Variants in TENM2 observed in about 807,000 individuals in gnomAD.
TENM2 encodes the protein teneurin transmembrane protein 2.
Under a neutral mutation model 245.2 loss-of-function variants are expected in TENM2, and 52 were observed. The ratio of observed to expected loss-of-function variants is 0.21; its 90% CI spans 0.17 to 0.27. TENM2 has a LOEUF of 0.27. TENM2 is among the 10% of genes least tolerant of loss of function. The pLI, the probability that TENM2 is intolerant of heterozygous loss-of-function variation, is 1.00. For missense variants in TENM2, 3,046 were observed against 3,666.8 expected, an observed-to-expected ratio of 0.83 and a Z score of 4.37; for synonymous variants, 1,363 against 1,438.9, an observed-to-expected ratio of 0.95 and a Z score of 1.19.
At chr5:167,340,302 C>T (rs1758020357) in intron 1 of TENM2, among the ~76,000 whole-genome samples, 1 of 152,196 alleles carries the variant, frequency 6.6e-6, no homozygotes, top group Non-Finnish European at 1.5e-5. Flanking sequence ...GCTACAGCCA[C>T]ACTCTACTTC....
At chr5:167,690,787 G>A (rs924434239) in intron 2 of TENM2, among the ~76,000 whole-genome samples, 3 of 151,870 alleles carry the variant, frequency 2.0e-5, no homozygotes, top group South Asian at 2.1e-4. Context: ...TTTTGTCACC[G>A]CTTAAAAGGA....
intron 2 of TENM2, among the ~76,000 whole-genome samples, chr5:167,561,078 A>AT (rs777147294): frequency 3.3e-5 from 5 of 151,942 alleles, no homozygotes; most frequent in African/African-American, 1.2e-4. Context: ...CAAAATCACC[A>AT]TTTTTTCTTG....
intron 2 of TENM2, among the ~76,000 whole-genome samples, chr5:167,798,951 C>T (rs1262132217): frequency 6.6e-6 from 1 of 152,188 alleles, no homozygotes; most frequent in East Asian, 1.9e-4. Context: ...CAATTGTCCC[C>T]ACCTCTGCAC....
chr5:167,167,299 G>A, the TENM2 span, among the ~76,000 whole-genome samples: 1 of 152,154 alleles, frequency 6.6e-6, no homozygotes, highest in Non-Finnish European at 1.5e-5. Flanking sequence ...TACAATGTAT[G>A]TGACTTTTAT....
intron 5 of TENM2, among the ~76,000 whole-genome samples, chr5:168,011,046 T>A (rs17069585): frequency 0.087 from 13,179 of 152,306 alleles, 774 homozygotes; most frequent in East Asian, 0.27. Flanking sequence ...AAGAGGTCCT[T>A]GGCACAGATT....
intron 7 of TENM2, among the ~76,000 whole-genome samples, chr5:168,062,795 C>A (rs150921142): frequency 6.6e-6 from 1 of 152,214 alleles, no homozygotes; most frequent in African/African-American, 2.4e-5. Context: ...TGCATGATTC[C>A]GTTTATGTGT....
chr5:167,372,477 T>C (rs896112645), intron 1 of TENM2, among the ~76,000 whole-genome samples: 1 of 152,242 alleles, frequency 6.6e-6, no homozygotes, highest in Non-Finnish European at 1.5e-5. Context: ...CCACATGCAG[T>C]GCTCTTCACA....
At chr5:167,987,616 C>G (rs1783347641) in intron 4 of TENM2, among the ~76,000 whole-genome samples, 1 of 152,166 alleles carries the variant, frequency 6.6e-6, no homozygotes, top group South Asian at 2.1e-4. Context: ...CCACCATGCC[C>G]AGCCACTAGG....
At chr5:166,980,461 C>A in the TENM2 span, among the ~76,000 whole-genome samples, 1 of 152,124 alleles carries the variant, frequency 6.6e-6, no homozygotes, top group African/African-American at 2.4e-5. Flanking sequence ...CTCTGGCTGC[C>A]GGGATCTGTT....
chr5:167,953,918 CT>C (rs914052810), intron 4 of TENM2, among the ~76,000 whole-genome samples: 4 of 152,008 alleles, frequency 2.6e-5, no homozygotes, highest in Admixed American at 2.0e-4. Flanking sequence ...TGTTATACAT[CT>C]TTGTCACTAT....
chr5:167,044,605 G>A, the TENM2 span, among the ~76,000 whole-genome samples: 4 of 152,116 alleles, frequency 2.6e-5, no homozygotes, highest in South Asian at 2.1e-4. Context: ...AATGACACAG[G>A]TAGACCACTG....
chr5:167,079,745 CA>C, the TENM2 span, among the ~76,000 whole-genome samples: 1 of 152,270 alleles, frequency 6.6e-6, no homozygotes, highest in South Asian at 2.1e-4. Context: ...TCTTGCTAAA[CA>C]AAGCCCAAAT....
chr5:167,451,064 T>C (rs1228766803), intron 2 of TENM2, among the ~76,000 whole-genome samples: 1 of 152,188 alleles, frequency 6.6e-6, no homozygotes, highest in East Asian at 1.9e-4. Flanking sequence ...TTTCGTAAAA[T>C]GTATTTCCAC....
intron 2 of TENM2, among the ~76,000 whole-genome samples, chr5:167,802,887 G>A (rs989606597): frequency 6.6e-6 from 1 of 152,134 alleles, no homozygotes; most frequent in Admixed American, 6.5e-5. Flanking sequence ...AGACTAGCAG[G>A]TATTTCCTAA....
intron 5 of TENM2, among the ~76,000 whole-genome samples, chr5:168,005,179 C>T (rs891253264): frequency 2.6e-5 from 4 of 152,062 alleles, no homozygotes; most frequent in East Asian, 1.9e-4. Flanking sequence ...AGTGAAACAC[C>T]GATGGCTTGT....
At chr5:167,055,513 A>G in the TENM2 span, among the ~76,000 whole-genome samples, 2 of 152,090 alleles carry the variant, frequency 1.3e-5, no homozygotes, top group Non-Finnish European at 2.9e-5. Context: ...TGACATTTTG[A>G]CAAGATTGAG....
At chr5:168,243,782 G>A (rs999447789) in intron 25 of TENM2, among the ~76,000 whole-genome samples, 3 of 152,154 alleles carry the variant, frequency 2.0e-5, no homozygotes, top group East Asian at 1.9e-4. Flanking sequence ...CACTTTCCAC[G>A]ATCCTATGGC....
intron 1 of TENM2, chr5:167,294,416 A>G (rs1174653143): frequency 2.0e-5 from 3 of 152,180 alleles, no homozygotes; most frequent in Admixed American, 6.5e-5. Context: ...AAAAAAATGT[A>G]CAAGGAAGAG....
intron 25 of TENM2, among the ~76,000 whole-genome samples, chr5:168,230,587 GCT>G (rs1422687951): frequency 1.3e-5 from 2 of 152,124 alleles, no homozygotes; most frequent in African/African-American, 4.8e-5. Context: ...GCCCCATAAG[GCT>G]AGCAGGCTGT....
Sources: gnomAD v4.1 joint callset for allele counts (sites outside exome capture counted in the v4.1 genomes callset) on GRCh38, gnomAD v4.1.1 for gene constraint, MANE v1.5 for transcripts, NCBI Gene and HGNC (gene_info 2026-07-23, HGNC 2026-07-21) for gene names.